Variants in CNTN5 observed in about 807,000 individuals in gnomAD.
CNTN5 encodes the protein contactin 5.
CNTN5 carries 77 observed loss-of-function variants against 129.1 expected under a neutral mutation model. The ratio of observed to expected loss-of-function variants is 0.60; its 90% CI spans 0.50 to 0.72. CNTN5 has a LOEUF of 0.72. Among genes scored for constraint, CNTN5 ranks in the 30% least tolerant of loss-of-function variants. The probability of loss-of-function intolerance (pLI) is 0.00; values close to 1 mark genes in which losing one functional copy is unlikely to be tolerated. For missense variants in CNTN5, 1,478 were observed against 1,328.8 expected (o/e 1.11, Z -1.75); for synonymous variants, 509 against 465.6 (o/e 1.09, Z -1.20).
At chr11:100,200,638 A>G (rs1419768316) in intron 15 of CNTN5, among the ~76,000 whole-genome samples, 1 of 151,866 alleles carries the variant, frequency 6.6e-6, no homozygotes, top group African/African-American at 2.4e-5. Context: ...TGTCGGGGGC[A>G]TGCTTGGAAA....
Position 100,357,881 on chromosome 11 carries a change from G to T in CNTN5, c.*1661G>T. ...TACATATTCTCTTTGGGGAAATGAT[G>T]TAAGACACCCTAAACAAACAAGAAA... On this transcript the variant is annotated 3_prime_UTR_variant, in exon 25 of 25. Coordinates refer to ENST00000524871, the MANE Select transcript of CNTN5 (RefSeq NM_014361.4). 1 of 151,876 alleles carries T rather than the reference G, an allele frequency of 6.6e-6. No individual in the cohort carries two copies. The highest frequency in any genetic ancestry group is 2.1e-4 in the South Asian group (1 of 4,826). The allele number at this position is 151,876 out of a possible 1,614,324, so 9.4% of individuals were successfully genotyped here.
chr11:99,782,850 C>T (rs1246855467), intron 3 of CNTN5, among the ~76,000 whole-genome samples: 38 of 151,766 alleles, frequency 2.5e-4, no homozygotes, highest in Admixed American at 5.3e-4. Flanking sequence ...AAGACTTAAA[C>T]GTTAGACCTA....
intron 6 of CNTN5, among the ~76,000 whole-genome samples, chr11:99,884,521 AATATTTAAAG>A (rs1948849207): frequency 6.6e-6 from 1 of 152,208 alleles, no homozygotes. Flanking sequence ...TGAAAGAACA[AATATTTAAAG>A]ATGCAGTGGC....
At position 99,733,460 on chromosome 11, in the gene CNTN5, C is replaced by G. The variant is rs574663672; in HGVS notation, c.56-86084C>G. Among the ~76,000 whole-genome samples the G allele has an allele frequency of 5.1e-4, 77 of 149,764 alleles. 4 individuals carry two copies. The South Asian group carries it at 0.016, about 31-fold the overall frequency. Reference sequence around the variant, plus strand: ...GAACATGGTTTGGAAGCTAGTTGAGCAAAAATGAAAAGATAACTGGGAGGG... The same window carrying G: ...GAACATGGTTTGGAAGCTAGTTGAGGAAAAATGAAAAGATAACTGGGAGGG... On this transcript the variant is annotated intron_variant, in intron 3 of 24. Coordinates refer to ENST00000524871, the MANE Select transcript of CNTN5 (RefSeq NM_014361.4).
intron 1 of CNTN5, among the ~76,000 whole-genome samples, chr11:99,225,521 A>G (rs750407393): frequency 8.5e-5 from 13 of 152,154 alleles, no homozygotes; most frequent in Non-Finnish European, 1.8e-4. Context: ...ACATTCTATC[A>G]TGAGAAATCC....
chr11:99,541,196 T>G (rs1948095291), intron 2 of CNTN5, among the ~76,000 whole-genome samples: 1 of 152,172 alleles, frequency 6.6e-6, no homozygotes, highest in Non-Finnish European at 1.5e-5. Flanking sequence ...GACTGAATCC[T>G]CTGACATGCA....
chr11:99,224,599 G>T (rs928241496), intron 1 of CNTN5, among the ~76,000 whole-genome samples: 1 of 150,954 alleles, frequency 6.6e-6, no homozygotes, highest in South Asian at 2.1e-4. Context: ...TGGTGAGAAT[G>T]ATCATGACTA....
chr11:99,472,771 C>T (rs564919030), intron 2 of CNTN5, among the ~76,000 whole-genome samples: 61 of 152,144 alleles, frequency 4.0e-4, no homozygotes, highest in Non-Finnish European at 7.6e-4. Context: ...TGAGTTCAAG[C>T]GATTCTTATT....
intron 1 of CNTN5, among the ~76,000 whole-genome samples, chr11:99,109,219 T>C (rs1857668076): frequency 6.6e-6 from 1 of 151,788 alleles, no homozygotes; most frequent in African/African-American, 2.4e-5. Flanking sequence ...TATATATTAA[T>C]CCAATATAAT....
chr11:99,784,306 C>A (rs531785188), intron 3 of CNTN5, among the ~76,000 whole-genome samples: 1 of 152,118 alleles, frequency 6.6e-6, no homozygotes, highest in Non-Finnish European at 1.5e-5. Flanking sequence ...CTTAGCCCCC[C>A]ACCCCCACAT....
intron 9 of CNTN5, among the ~76,000 whole-genome samples, chr11:100,059,561 G>T (rs1404775000): frequency 6.6e-6 from 1 of 152,030 alleles, no homozygotes; most frequent in East Asian, 1.9e-4. Context: ...TCACAGAAAT[G>T]CAAATGCAAA....
chr11:99,118,847 T>G (rs1028378707), intron 1 of CNTN5, among the ~76,000 whole-genome samples: 1 of 151,832 alleles, frequency 6.6e-6, no homozygotes, highest in Non-Finnish European at 1.5e-5. Flanking sequence ...TAGGTATAAT[T>G]ATGGTATACC....
chr11:99,581,313 T>C (rs1275797727), intron 3 of CNTN5, among the ~76,000 whole-genome samples: 2 of 146,506 alleles, frequency 1.4e-5, no homozygotes, highest in Non-Finnish European at 3.0e-5. Flanking sequence ...ATTCTGTTGA[T>C]TTGGGGTGGA....
intron 9 of CNTN5, among the ~76,000 whole-genome samples, chr11:100,036,758 G>T (rs200102294): frequency 1.4e-5 from 2 of 147,652 alleles, no homozygotes; most frequent in Non-Finnish European, 3.0e-5. Flanking sequence ...CTCATGATTT[G>T]GCTCTCTGTT....
At chr11:100,326,452 C>T (rs553699998) in intron 21 of CNTN5, among the ~76,000 whole-genome samples, 1 of 152,220 alleles carries the variant, frequency 6.6e-6, no homozygotes, top group Admixed American at 6.5e-5. Context: ...AATCCATCAC[C>T]AAAGACTATT....
In CNTN5 at chr11:99,601,977, A is replaced by G. The variant is rs191532099; in HGVS notation, c.55+45708A>G. The stretch of plus-strand genomic sequence containing the variant: ...TAACCATTTTACCTATATACTATAT[A>G]TACCTATATACCTATATATACCTAC... On this transcript the variant is annotated intron_variant, in intron 3 of 24. Coordinates refer to ENST00000524871, the MANE Select transcript of CNTN5 (RefSeq NM_014361.4). Among the ~76,000 whole-genome samples the G allele has an allele frequency of 9.7e-3, 1,485 of 152,308 alleles. 18 individuals carry two copies. The highest frequency in any genetic ancestry group is 0.034 in the Middle Eastern group (10 of 294).
At chr11:100,200,882 C>T (rs962553489) in intron 15 of CNTN5, among the ~76,000 whole-genome samples, 3 of 151,894 alleles carry the variant, frequency 2.0e-5, no homozygotes, top group African/African-American at 7.2e-5. Flanking sequence ...GTATCTAGGA[C>T]TGTATATGTT....
At chr11:99,310,890 T>G (rs757502205) in intron 1 of CNTN5, among the ~76,000 whole-genome samples, 11 of 152,156 alleles carry the variant, frequency 7.2e-5, no homozygotes, top group Non-Finnish European at 1.6e-4. Flanking sequence ...CATATACCTT[T>G]TTCCTCCTTT....
chr11:100,204,301 T>C (rs1275169974), intron 15 of CNTN5, among the ~76,000 whole-genome samples: 3 of 54,000 alleles, frequency 5.6e-5, no homozygotes, highest in South Asian at 1.2e-3. Context: ...TTGACTAATA[T>C]ATATATATAT....
Sources: allele counts gnomAD v4.1 joint callset (sites outside exome capture counted in the v4.1 genomes callset), GRCh38; gene constraint gnomAD v4.1.1; transcripts MANE v1.5; gene names NCBI Gene and HGNC (gene_info 2026-07-23, HGNC 2026-07-21).